Variants in UBE2H observed in about 807,000 individuals in gnomAD.
UBE2H encodes ubiquitin-conjugating enzyme E2 H.
In UBE2H, 3 loss-of-function variants were observed where a neutral mutation model predicts 29.0. The ratio of observed to expected loss-of-function variants is 0.10; its 90% CI spans 0.05 to 0.27. The LOEUF (loss-of-function observed/expected upper bound fraction) is 0.27, where lower values mean the gene tolerates loss of function less well. Ranked by LOEUF, UBE2H falls within the 10% of genes least tolerant of loss-of-function variation. The pLI, the probability that UBE2H is intolerant of heterozygous loss-of-function variation, is 1.00. For missense variants in UBE2H, 68 were observed against 228.2 expected, an observed-to-expected ratio of 0.30 and a Z score of 4.52; for synonymous variants, 69 against 82.9, an observed-to-expected ratio of 0.83 and a Z score of 0.91.
intron 1 of UBE2H, among the ~76,000 whole-genome samples, chr7:129,917,878 T>C (rs1238145254): frequency 1.3e-5 from 2 of 152,230 alleles, no homozygotes; most frequent in African/African-American, 4.8e-5. Context: ...TCAATGAACA[T>C]ACCAACATAC....
At position 129,846,346 on chromosome 7, in the gene UBE2H, A is replaced by AAATAATAATAAT. The variant is rs71175044; in HGVS notation, c.299-7023_299-7012dup. 6.2e-3 allele frequency among the ~76,000 whole-genome samples: 901 copies of AAATAATAATAAT among 146,368 alleles called. 5 individuals carry two copies. Among genetic ancestry groups the AAATAATAATAAT allele is most frequent in the African/African-American group, 0.012 (461 of 39,378 alleles). On this transcript the variant is annotated intron_variant, in intron 5 of 6. Coordinates refer to ENST00000355621, the MANE Select transcript of UBE2H (RefSeq NM_003344.4). The stretch of plus-strand genomic sequence containing the variant: ...AACATAGGGAGATCCGGTCTCTACA[A>AAATAATAATAAT]AATAATAATAATAATAATAATAATA...
intron 1 of UBE2H, among the ~76,000 whole-genome samples, chr7:129,933,461 T>C (rs1477155908): frequency 1.3e-5 from 2 of 152,230 alleles, no homozygotes; most frequent in African/African-American, 4.8e-5. Flanking sequence ...CAGCTGTTTC[T>C]TTCCCCAATG....
At chr7:129,854,207 G>A (rs1271509210) in intron 5 of UBE2H, among the ~76,000 whole-genome samples, 1 of 151,740 alleles carries the variant, frequency 6.6e-6, no homozygotes, top group Non-Finnish European at 1.5e-5. Context: ...GGCTTTAACA[G>A]TTTCTAATAA....
chr7:129,950,528 A>G (rs903571869), intron 1 of UBE2H, among the ~76,000 whole-genome samples: 2 of 152,170 alleles, frequency 1.3e-5, no homozygotes, highest in African/African-American at 2.4e-5. Context: ...CTGTATGGAA[A>G]AGGCATCAGG....
intron 1 of UBE2H, among the ~76,000 whole-genome samples, chr7:129,942,594 G>A (rs1807670216): frequency 6.6e-6 from 1 of 152,164 alleles, no homozygotes; most frequent in Non-Finnish European, 1.5e-5. Flanking sequence ...TTTCACCTGA[G>A]TTTATTCCAT....
At chr7:129,917,680 G>A (rs1408378738) in intron 1 of UBE2H, among the ~76,000 whole-genome samples, 1 of 152,148 alleles carries the variant, frequency 6.6e-6, no homozygotes, top group Non-Finnish European at 1.5e-5. Flanking sequence ...GAGAGAGCAG[G>A]GAAGTATGTA....
intron 1 of UBE2H, among the ~76,000 whole-genome samples, 166 bp from the exon 2 acceptor site, chr7:129,881,137 G>C (rs532707642): frequency 6.6e-6 from 1 of 152,278 alleles, no homozygotes; most frequent in Non-Finnish European, 1.5e-5. Context: ...ATATACTCTT[G>C]TAAGAAGATA....
At chr7:129,840,330 G>A (rs1388921202) in intron 5 of UBE2H, among the ~76,000 whole-genome samples, 1 of 152,014 alleles carries the variant, frequency 6.6e-6, no homozygotes, top group Admixed American at 6.6e-5. Context: ...TGGACTATAG[G>A]CATGTGCCAC....
chr7:129,916,153 ATTATATTCATTCCAGGACT>A (rs1319104676), intron 1 of UBE2H, among the ~76,000 whole-genome samples: 2 of 152,186 alleles, frequency 1.3e-5, no homozygotes, highest in African/African-American at 4.8e-5. Flanking sequence ...TAGGCAGGTA[ATTATATTCATTCCAGGACT>A]TTAACATCCT....
At chr7:129,899,003 C>T (rs974197882) in intron 1 of UBE2H, among the ~76,000 whole-genome samples, 4 of 152,164 alleles carry the variant, frequency 2.6e-5, no homozygotes, top group African/African-American at 4.8e-5. Context: ...CTGTAAATAC[C>T]TCTGCCCATG....
chr7:129,856,707 C>A (rs1042273808), intron 5 of UBE2H, among the ~76,000 whole-genome samples: 6 of 152,182 alleles, frequency 3.9e-5, no homozygotes, highest in Non-Finnish European at 8.8e-5. Flanking sequence ...GACCCTTGAA[C>A]AACATGGGTC....
At chr7:129,839,393 T>C in intron 5 of UBE2H, 58 bp from the exon 6 acceptor site, 2 of 1,606,184 alleles carry the variant, frequency 1.2e-6, no homozygotes, top group South Asian at 1.1e-5. Context: ...TAAAATTCAC[T>C]TGCATTCAGT....
In UBE2H at chr7:129,952,415, C is replaced by G. The variant is rs952382017; in HGVS notation, c.53+88G>C. ...TCTCGGACAGTGGCCTGGAGTGCCC[C>G]AGGGCCCTTGCAGTGGTTCCGGGGG... On this transcript the variant is annotated intron_variant, in intron 1 of 6. Transcript: ENST00000355621. 3 of 1,542,070 alleles carry G rather than the reference C, an allele frequency of 1.9e-6. No homozygotes were observed. The African/African-American group carries it at 4.1e-5, about 21-fold the overall frequency.
chr7:129,904,505 T>C (rs1806777978), intron 1 of UBE2H, among the ~76,000 whole-genome samples: 1 of 152,202 alleles, frequency 6.6e-6, no homozygotes, highest in African/African-American at 2.4e-5. Flanking sequence ...AATTATTCTC[T>C]ACCTCATTCT....
At chr7:129,906,812 A>T (rs146862293) in intron 1 of UBE2H, among the ~76,000 whole-genome samples, 273 of 152,326 alleles carry the variant, frequency 1.8e-3, no homozygotes, top group African/African-American at 6.1e-3. Context: ...AAGCTGGTTG[A>T]GAGAAACAAA....
chr7:129,884,978 G>A (rs1001347430), intron 1 of UBE2H, among the ~76,000 whole-genome samples: 1 of 151,898 alleles, frequency 6.6e-6, no homozygotes, highest in Non-Finnish European at 1.5e-5. Flanking sequence ...AAGGCAGGAA[G>A]ATTGTTTGAG....
chr7:129,913,020 G>C (rs1337514889), intron 1 of UBE2H, among the ~76,000 whole-genome samples: 1 of 152,164 alleles, frequency 6.6e-6, no homozygotes, highest in Non-Finnish European at 1.5e-5. Flanking sequence ...GGAGGCCAAG[G>C]CGGGTGGGTC....
At chr7:129,842,198 AG>A (rs1283663739) in intron 5 of UBE2H, among the ~76,000 whole-genome samples, 5 of 152,272 alleles carry the variant, frequency 3.3e-5, no homozygotes, top group African/African-American at 7.2e-5. Context: ...TGGTAGGCCA[AG>A]GTGGGTGGAT....
At chr7:129,937,160 T>C (rs1470048772) in intron 1 of UBE2H, among the ~76,000 whole-genome samples, 1 of 150,972 alleles carries the variant, frequency 6.6e-6, no homozygotes, top group Non-Finnish European at 1.5e-5. Context: ...AAACCCCGTC[T>C]CTACAAAAAT....
Sources: gnomAD v4.1 joint callset for allele counts (sites outside exome capture counted in the v4.1 genomes callset) on GRCh38, gnomAD v4.1.1 for gene constraint, MANE v1.5 for transcripts, NCBI Gene and HGNC (gene_info 2026-07-23, HGNC 2026-07-21) for gene names.